Variants in WDR19 observed in about 807,000 individuals in gnomAD.
The protein encoded by WDR19 is WD repeat domain 19, also known as WD repeat-containing protein 19.
In WDR19, 121 loss-of-function variants were observed where a neutral mutation model predicts 180.0. The observed-to-expected ratio is 0.67, with a 90% confidence interval of 0.58 to 0.78. The LOEUF is 0.78. WDR19 is among the 30% of genes least tolerant of loss of function. WDR19 has a pLI of 0.00. For synonymous variants in WDR19, 497 were observed against 540.7 expected (o/e 0.92, Z 1.12); for missense variants, 1,450 against 1,640.7 (o/e 0.88, Z 2.01).
intron 30 of WDR19, among the ~76,000 whole-genome samples, chr4:39,268,293 C>T (rs1235131646): frequency 6.6e-6 from 1 of 152,172 alleles, no homozygotes; most frequent in Non-Finnish European, 1.5e-5. Flanking sequence ...ATGTAAGAGA[C>T]TAAGACCATC....
intron 12 of WDR19, among the ~76,000 whole-genome samples, chr4:39,216,864 C>A (rs994567257): frequency 9.2e-5 from 14 of 152,068 alleles, no homozygotes; most frequent in Admixed American, 7.2e-4. Flanking sequence ...AGGTTTAATT[C>A]TTTAATTGTT....
At position 39,244,546 on chromosome 4, in the gene WDR19, A is replaced by G. The variant is rs1732308834; in HGVS notation, c.2639A>G (p.Lys880Arg). The change falls in exon 23 of 37, where the codon AAG becomes AGG. Residue 880 changes from lysine (K) to arginine (R), a missense_variant. Transcript: ENST00000399820. The stretch of plus-strand genomic sequence containing the variant: ...GCAGCATCTGTTTACATCCGCTCTA[A>G]GAATTGGTAAGAGCTGCCTGCGGTT... Reference protein sequence around the residue: ...DKAASVYIRSKNWAKVGDLLP... With the variant: ...DKAASVYIRSRNWAKVGDLLP... The G allele has an allele frequency of 1.2e-6, 2 of 1,613,916 alleles. No individual in the cohort carries two copies. The highest frequency in any genetic ancestry group is 2.7e-5 in the African/African-American group (2 of 74,952).
chr4:39,184,898 C>T (rs1271539156), intron 1 of WDR19, among the ~76,000 whole-genome samples: 1 of 152,084 alleles, frequency 6.6e-6, no homozygotes, highest in East Asian at 1.9e-4. Flanking sequence ...AATGTAATTT[C>T]ATATTTTTAT....
At chr4:39,237,459 G>A (rs1452980485) in intron 20 of WDR19, among the ~76,000 whole-genome samples, 1 of 152,054 alleles carries the variant, frequency 6.6e-6, no homozygotes, top group Non-Finnish European at 1.5e-5. Flanking sequence ...CCAGCTGCTA[G>A]AGAGGTTGAG....
At chr4:39,218,463 A>C (rs914184772) in intron 14 of WDR19, 2 of 194,586 alleles carry the variant, frequency 1.0e-5, no homozygotes, top group East Asian at 1.3e-4. Flanking sequence ...ACACAATGCT[A>C]TCTAGACATA....
intron 15 of WDR19, among the ~76,000 whole-genome samples, chr4:39,226,563 G>A (rs1730278487): frequency 1.3e-5 from 2 of 152,208 alleles, no homozygotes; most frequent in Admixed American, 6.5e-5. Context: ...TAGAAGCAGA[G>A]ACTCAGGAGC....
intron 15 of WDR19, among the ~76,000 whole-genome samples, chr4:39,227,327 GC>G (rs1435773870): frequency 6.6e-6 from 1 of 152,150 alleles, no homozygotes; most frequent in African/African-American, 2.4e-5. Flanking sequence ...AAGCCTACCT[GC>G]CTGAGTTCAC....
chr4:39,232,023 A>C, intron 18 of WDR19, 67 bp downstream of exon 18: 3 of 1,577,642 alleles, frequency 1.9e-6, no homozygotes, highest in Non-Finnish European at 2.6e-6. Flanking sequence ...ATGCAGTCTA[A>C]ATTTTTTGCA....
At chr4:39,251,470 A>G (rs1733174211) in intron 24 of WDR19, among the ~76,000 whole-genome samples, 1 of 151,314 alleles carries the variant, frequency 6.6e-6, no homozygotes, top group Non-Finnish European at 1.5e-5. Flanking sequence ...TCATGTCTAA[A>G]ACACCAAAAG....
At chr4:39,186,262 T>C (rs1172646048) in intron 2 of WDR19, among the ~76,000 whole-genome samples, 1 of 152,004 alleles carries the variant, frequency 6.6e-6, no homozygotes, top group East Asian at 1.9e-4. Context: ...GGCAGATCAC[T>C]TGAGGCCAGG....
At chr4:39,257,465 T>A in intron 27 of WDR19, 21 bp from the exon 28 acceptor site, 1 of 1,560,554 alleles carries the variant, frequency 6.4e-7, no homozygotes, top group Non-Finnish European at 8.7e-7. Context: ...AAATTTTTAA[T>A]TGCTGTAATT....
intron 17 of WDR19, among the ~76,000 whole-genome samples, chr4:39,229,559 GT>G (rs1212446513): frequency 2.0e-5 from 3 of 151,900 alleles, no homozygotes; most frequent in Non-Finnish European, 4.4e-5. Context: ...TCCTTTTACT[GT>G]TTTTTTCTCT....
chr4:39,182,648 T>G, intron 1 of WDR19, 85 bp downstream of exon 1: 2 of 1,576,682 alleles, frequency 1.3e-6, no homozygotes, highest in Non-Finnish European at 1.7e-6. Flanking sequence ...TATCTGTCCC[T>G]CTCCCTTCTG....
chr4:39,240,423 T>A, intron 21 of WDR19, 89 bp downstream of exon 21: 1 of 740,496 alleles, frequency 1.4e-6, no homozygotes, highest in African/African-American at 1.9e-5. Flanking sequence ...ATTTGTATTG[T>A]ATTTAATATC....
At position 39,232,249 on chromosome 4, in the gene WDR19, A is replaced by T; in HGVS notation, c.2230A>T (p.Ser744Cys). Residue 744 changes from serine to cysteine, a missense_variant, in exon 19 of 37, where the codon AGC (serine) becomes TGC (cysteine). Physicochemically the swap from Ser to Cys is moderately radical, Grantham distance 112. Coordinates refer to ENST00000399820, the MANE Select transcript of WDR19 (RefSeq NM_025132.4). ...NLAQDLYLAS[S>C]CPIAALEMRR... is the part of the protein sequence containing the mutation. ...GGCTCAGGACTTGTACCTTGCATCC[A>T]GCTGTCCTATTGCTGCCCTGGAGGT... 6.2e-7 allele frequency: 1 copy of T among 1,611,188 alleles called. No homozygotes were observed. Among genetic ancestry groups the T allele is most frequent in the Non-Finnish European group, 8.5e-7 (1 of 1,178,930 alleles).
chr4:39,245,694 T>C (rs1019786047), intron 24 of WDR19, among the ~76,000 whole-genome samples: 2 of 152,186 alleles, frequency 1.3e-5, no homozygotes, highest in South Asian at 2.1e-4. Flanking sequence ...GGTTTTATAA[T>C]GGAAGTTGAA....
In WDR19 at chr4:39,239,678, A is replaced by G. The variant is rs184542913; in HGVS notation, c.2364-599A>G. Reference sequence around the variant, plus strand: ...ACGTGTACCCCCGAATTTAAAAAAAAATTAATGTAGCTCTTCAAAATGCCT... The same window carrying G: ...ACGTGTACCCCCGAATTTAAAAAAAGATTAATGTAGCTCTTCAAAATGCCT... On this transcript the variant is annotated intron_variant, in intron 20 of 36. Coordinates refer to ENST00000399820, the MANE Select transcript of WDR19 (RefSeq NM_025132.4). Among the ~76,000 whole-genome samples, 175 of 152,332 alleles carry G rather than the reference A, an allele frequency of 1.1e-3. 1 individual carries two copies. Among genetic ancestry groups the G allele is most frequent in the African/African-American group, 4.1e-3 (169 of 41,572 alleles).
At chr4:39,183,112 A>G (rs1342672222) in intron 1 of WDR19, among the ~76,000 whole-genome samples, 25 of 152,100 alleles carry the variant, frequency 1.6e-4, no homozygotes, top group Non-Finnish European at 2.9e-5. Context: ...GGAAATCTGC[A>G]CCCGAAAACT....
chr4:39,216,308 C>A, intron 12 of WDR19, 98 bp downstream of exon 12: 1 of 949,960 alleles, frequency 1.1e-6, no homozygotes, highest in South Asian at 1.7e-5. Context: ...GTCTTTCACT[C>A]TTTTTTATTC....
Sources: allele counts gnomAD v4.1 joint callset (sites outside exome capture counted in the v4.1 genomes callset), GRCh38; gene constraint gnomAD v4.1.1; transcripts MANE v1.5; gene names NCBI Gene and HGNC (gene_info 2026-07-23, HGNC 2026-07-21).